Variants in ATRN observed in about 807,000 individuals in gnomAD.
The protein encoded by ATRN is attractin-2.
Under a neutral mutation model 178.7 loss-of-function variants are expected in ATRN, and 54 were observed. The observed-to-expected ratio is 0.30, with a 90% confidence interval of 0.24 to 0.38. The LOEUF (loss-of-function observed/expected upper bound fraction) is 0.38. ATRN is among the 10% of genes least tolerant of loss of function. The pLI, the probability that ATRN is intolerant of heterozygous loss-of-function variation, is 1.00. For synonymous variants in ATRN, 636 were observed against 663.0 expected (o/e 0.96, Z 0.63); for missense variants, 1,443 against 1,815.1 (o/e 0.79, Z 3.73).
rs237403 is a variant in ATRN at position 3,540,742 on chromosome 20, G to T, written c.608+407G>T. On this transcript the variant is annotated intron_variant, in intron 3 of 28. Transcript: ENST00000262919. ...TATTGCCCACTGCATAGGCCTTCAG[G>T]AGTTATTTGTTGAATTCAAATATAA... 8.0e-3 allele frequency among the ~76,000 whole-genome samples: 1,211 copies of T among 152,230 alleles called. 19 individuals carry two copies. Among genetic ancestry groups the T allele is most frequent in the African/African-American group, 0.028 (1,144 of 41,548 alleles).
intron 3 of ATRN, among the ~76,000 whole-genome samples, chr20:3,541,576 C>A (rs946982344): frequency 4.6e-5 from 7 of 152,170 alleles, no homozygotes; most frequent in Admixed American, 2.6e-4. Flanking sequence ...TCTTACTGTA[C>A]TGAATACTGT....
chr20:3,492,682 G>T (rs565600631), intron 1 of ATRN, among the ~76,000 whole-genome samples: 1 of 152,090 alleles, frequency 6.6e-6, no homozygotes, highest in South Asian at 2.1e-4. Context: ...TCATACCAAC[G>T]TTTTGCGCAT....
chr20:3,627,879 A>G (rs2086955360), intron 25 of ATRN, among the ~76,000 whole-genome samples: 1 of 152,204 alleles, frequency 6.6e-6, no homozygotes, highest in African/African-American at 2.4e-5. Flanking sequence ...CATTGGTAAC[A>G]TAACCTTTTT....
At chr20:3,542,646 C>T (rs866718926) in intron 3 of ATRN, among the ~76,000 whole-genome samples, 54 of 114,392 alleles carry the variant, frequency 4.7e-4, no homozygotes, top group African/African-American at 1.4e-3. Flanking sequence ...CCTTCCCCTT[C>T]CCTTTTCCTT....
At chr20:3,619,509 A>G (rs929518980) in intron 24 of ATRN, among the ~76,000 whole-genome samples, 5 of 152,248 alleles carry the variant, frequency 3.3e-5, no homozygotes, top group Non-Finnish European at 5.9e-5. Context: ...CTAGTCATTC[A>G]GTATTCATTC....
chr20:3,522,642 C>T (rs976040244), intron 1 of ATRN, among the ~76,000 whole-genome samples: 9 of 152,172 alleles, frequency 5.9e-5, no homozygotes, highest in Admixed American at 2.6e-4. Context: ...CATCAGGGGT[C>T]GACAGACAGC....
chr20:3,603,434 G>A (rs2086638576), intron 23 of ATRN, among the ~76,000 whole-genome samples: 1 of 152,036 alleles, frequency 6.6e-6, no homozygotes, highest in South Asian at 2.1e-4. Flanking sequence ...CTGTTTGGGG[G>A]TGGGGCAAGG....
At chr20:3,534,237 A>G (rs189848070) in intron 1 of ATRN, among the ~76,000 whole-genome samples, 1 of 152,306 alleles carries the variant, frequency 6.6e-6, no homozygotes, top group Non-Finnish European at 1.5e-5. Context: ...ATGATAGTTC[A>G]ATGGATTGGT....
intron 3 of ATRN, among the ~76,000 whole-genome samples, chr20:3,544,079 G>A (rs1256989457): frequency 2.0e-5 from 3 of 152,118 alleles, no homozygotes; most frequent in Non-Finnish European, 2.9e-5. Context: ...CAAAAGGAAC[G>A]AAAATCCCTT....
chr20:3,520,126 T>C (rs1451961535), intron 1 of ATRN, among the ~76,000 whole-genome samples: 2 of 152,190 alleles, frequency 1.3e-5, no homozygotes, highest in Admixed American at 6.5e-5. Context: ...AGTGCTACAT[T>C]AGACCTCTTT....
chr20:3,607,058 A>G (rs747236614), intron 24 of ATRN, among the ~76,000 whole-genome samples: 43 of 152,054 alleles, frequency 2.8e-4, no homozygotes, highest in Admixed American at 5.9e-4. Flanking sequence ...TTCCCTTTTT[A>G]ATATTTTTTC....
At position 3,632,114 on chromosome 20, in the gene ATRN, C is replaced by T. The variant is rs2086994106; in HGVS notation, c.3864-2197C>T. Among the ~76,000 whole-genome samples, 1 of 152,164 alleles carries T rather than the reference C, an allele frequency of 6.6e-6. No individual in the cohort carries two copies. The highest frequency in any genetic ancestry group is 2.4e-5 in the African/African-American group (1 of 41,436). ...AGGTTAGAATATCTGCCCAGGACAT[C>T]TCCCCTGGGCTGTCCGGTAGATATC... On this transcript the variant is annotated intron_variant, in intron 25 of 28. Coordinates refer to ENST00000262919, the MANE Select transcript of ATRN (RefSeq NM_139321.3). The surrounding 1 kb of genome is among the most constrained non-coding windows in gnomAD (Gnocchi z 4.2).
At chr20:3,576,707 A>ATCTATCTATCTG (rs1568740601) in intron 13 of ATRN, 152 bp from the exon 14 acceptor site, 5 of 450,170 alleles carry the variant, frequency 1.1e-5, no homozygotes, top group African/African-American at 1.0e-4. Flanking sequence ...CTATCTATCT[A>ATCTATCTATCTG]TCTATCTATC....
intron 13 of ATRN, among the ~76,000 whole-genome samples, 164 bp from the exon 14 acceptor site, chr20:3,576,695 G>GTCTGTCTGTCTGTCTGTCTATCTATCTA (rs11472378): frequency 2.2e-4 from 32 of 142,386 alleles, no homozygotes; most frequent in South Asian, 1.2e-3. Flanking sequence ...CTGTCTGTCT[G>GTCTGTCTGTCTGTCTGTCTATCTATCTA]TCTATCTATC....
chr20:3,515,844 G>A (rs1024303895), intron 1 of ATRN, among the ~76,000 whole-genome samples: 3 of 152,140 alleles, frequency 2.0e-5, no homozygotes, highest in African/African-American at 7.2e-5. Flanking sequence ...TGAGAATTCT[G>A]GACCCAGGTA....
At chr20:3,636,753 A>T (rs2146324001) in intron 26 of ATRN, among the ~76,000 whole-genome samples, 1 of 152,346 alleles carries the variant, frequency 6.6e-6, no homozygotes, top group East Asian at 1.9e-4. Flanking sequence ...ATAGTTAACT[A>T]AGAGGCAGAC....
intron 1 of ATRN, among the ~76,000 whole-genome samples, chr20:3,481,449 A>G (rs2084619503): frequency 6.6e-6 from 1 of 152,126 alleles, no homozygotes; most frequent in Admixed American, 6.5e-5. Flanking sequence ...CTCTGGGCTC[A>G]AGTGCCTCCC....
At chr20:3,572,622 G>A in intron 11 of ATRN, 109 bp from the exon 12 acceptor site, 1 of 943,150 alleles carries the variant, frequency 1.1e-6, no homozygotes, top group Non-Finnish European at 1.6e-6. Flanking sequence ...TTTGAGACTA[G>A]CCTGGGCAAC....
intron 1 of ATRN, among the ~76,000 whole-genome samples, chr20:3,488,578 G>T (rs1243233574): frequency 6.6e-6 from 1 of 152,008 alleles, no homozygotes; most frequent in Non-Finnish European, 1.5e-5. Flanking sequence ...CTATTCCTTT[G>T]GTCCGTTTGT....
Sources: gnomAD v4.1 joint callset for allele counts (sites outside exome capture counted in the v4.1 genomes callset) on GRCh38, gnomAD v4.1.1 for gene constraint, Gnocchi (gnomAD v3.1) non-coding constraint, MANE v1.5 for transcripts, NCBI Gene and HGNC (gene_info 2026-07-23, HGNC 2026-07-21) for gene names.